The following VPS13B variants were observed in gnomAD, a reference collection of about 807,000 sequenced individuals.
VPS13B encodes the protein intermembrane lipid transfer protein VPS13B.
A neutral mutation model predicts 426.4 loss-of-function variants in VPS13B; 285 were observed. The ratio of observed to expected loss-of-function variants is 0.67; its 90% CI spans 0.61 to 0.74. The LOEUF (loss-of-function observed/expected upper bound fraction) is 0.74, where lower values mean the gene tolerates loss of function less well. VPS13B is among the 30% of genes least tolerant of loss of function. The pLI is 0.00. For missense variants in VPS13B, 4,537 were observed against 4,782.6 expected (o/e 0.95, Z 1.51); for synonymous variants, 1,676 against 1,676.4 (o/e 1.00, Z 0.01).
chr8:99,552,557 G>T (rs966022741), intron 30 of VPS13B, among the ~76,000 whole-genome samples: 5 of 151,246 alleles, frequency 3.3e-5, no homozygotes, highest in African/African-American at 9.7e-5. Flanking sequence ...GGGTTTTGTG[G>T]GTTGGTTGGT....
chr8:99,425,638 C>G (rs1816655438), intron 21 of VPS13B, among the ~76,000 whole-genome samples: 1 of 152,150 alleles, frequency 6.6e-6, no homozygotes, highest in Non-Finnish European at 1.5e-5. Context: ...TGGAAGCATT[C>G]CCTTTGAAAA....
chr8:99,530,267 T>C (rs1357324330), intron 30 of VPS13B, among the ~76,000 whole-genome samples: 1 of 152,146 alleles, frequency 6.6e-6, no homozygotes, highest in Non-Finnish European at 1.5e-5. Flanking sequence ...CCTTTGGCCT[T>C]CTACAGCAAT....
chr8:99,520,818 A>T, intron 29 of VPS13B, 81 bp from the exon 30 acceptor site: 9 of 977,376 alleles, frequency 9.2e-6, no homozygotes, highest in East Asian at 2.4e-5. Flanking sequence ...TCTCTATTCC[A>T]TTCCCTCAAA....
intron 3 of VPS13B, among the ~76,000 whole-genome samples, chr8:99,054,748 T>C (rs1231725729): frequency 6.6e-6 from 1 of 152,198 alleles, no homozygotes; most frequent in Non-Finnish European, 1.5e-5. Flanking sequence ...ATGGAATGAT[T>C]AATTTTATAT....
intron 30 of VPS13B, among the ~76,000 whole-genome samples, chr8:99,534,576 T>C (rs1041796556): frequency 2.0e-5 from 3 of 152,164 alleles, no homozygotes; most frequent in Admixed American, 6.5e-5. Flanking sequence ...TGTACTTTCA[T>C]TGAGGCACTA....
intron 17 of VPS13B, among the ~76,000 whole-genome samples, chr8:99,269,841 G>A (rs1036222331): frequency 6.6e-6 from 1 of 151,938 alleles, no homozygotes; most frequent in Non-Finnish European, 1.5e-5. Flanking sequence ...AAGAAACTAC[G>A]ATTATTTTTA....
intron 20 of VPS13B, among the ~76,000 whole-genome samples, chr8:99,391,061 A>G (rs922645165): frequency 2.0e-5 from 3 of 152,192 alleles, no homozygotes; most frequent in African/African-American, 7.2e-5. Context: ...TGGACTATCC[A>G]TATTAACATG....
intron 39 of VPS13B, among the ~76,000 whole-genome samples, chr8:99,727,520 A>G (rs1482670804): frequency 1.3e-5 from 2 of 152,228 alleles, no homozygotes; most frequent in Admixed American, 1.3e-4. Context: ...GAAGACAAAA[A>G]GGAGCAAGTC....
Position 99,135,875 on chromosome 8 carries a change from A to G in VPS13B, c.1563+142A>G, listed in dbSNP as rs949289348. On this transcript the variant is annotated intron_variant, in intron 11 of 61. Coordinates refer to ENST00000357162, the MANE Select transcript of VPS13B (RefSeq NM_152564.5). ...ATTAAAACATTTAGAATGCATTTAT[A>G]CAGTATACATGTAGAAATGTTTGAG... 23 of 1,162,708 alleles carry G rather than the reference A, an allele frequency of 2.0e-5. No homozygotes were observed. The Admixed American group carries it at 4.0e-4, about 20-fold the overall frequency. 72.0% of individuals were successfully genotyped at this position (1,162,708 alleles called of 1,614,324 possible). A position where few individuals can be genotyped will look rare whatever the true frequency, so the allele number is the denominator to read the frequency against.
intron 35 of VPS13B, among the ~76,000 whole-genome samples, chr8:99,674,658 C>T (rs1830852419): frequency 6.6e-6 from 1 of 151,930 alleles, no homozygotes; most frequent in African/African-American, 2.4e-5. Flanking sequence ...GTTTCTTCCT[C>T]TCGCTGTCTT....
At chr8:99,611,558 A>T (rs1295430271) in intron 33 of VPS13B, among the ~76,000 whole-genome samples, 2 of 152,066 alleles carry the variant, frequency 1.3e-5, no homozygotes, top group African/African-American at 2.4e-5. Context: ...ACCAAAAAAC[A>T]TACAAACAAA....
intron 59 of VPS13B, among the ~76,000 whole-genome samples, chr8:99,870,413 C>G (rs536993388): frequency 3.9e-5 from 6 of 152,266 alleles, no homozygotes; most frequent in Non-Finnish European, 7.4e-5. Context: ...TTGATTTGAC[C>G]TCCCAAAGTT....
At chr8:99,305,080 TTTA>T (rs1192444882) in intron 19 of VPS13B, among the ~76,000 whole-genome samples, 2 of 152,182 alleles carry the variant, frequency 1.3e-5, no homozygotes, top group Admixed American at 1.3e-4. Context: ...CTTCTCTTAC[TTTA>T]TTATCTCCAT....
At chr8:99,411,277 C>T (rs954402999) in intron 21 of VPS13B, among the ~76,000 whole-genome samples, 4 of 152,192 alleles carry the variant, frequency 2.6e-5, no homozygotes, top group Non-Finnish European at 5.9e-5. Context: ...GATGGTATCT[C>T]ATTGTGGTTT....
intron 30 of VPS13B, among the ~76,000 whole-genome samples, chr8:99,521,348 G>A (rs998154829): frequency 3.3e-5 from 5 of 152,292 alleles, no homozygotes; most frequent in Admixed American, 2.6e-4. Context: ...ACATCCTACT[G>A]TAGTCATGTT....
At chr8:99,412,978 T>G (rs1353234605) in intron 21 of VPS13B, among the ~76,000 whole-genome samples, 1 of 152,194 alleles carries the variant, frequency 6.6e-6, no homozygotes, top group South Asian at 2.1e-4. Flanking sequence ...TTACTGAGGA[T>G]TTTTGCATTG....
chr8:99,740,303 C>G (rs191434432), intron 39 of VPS13B, among the ~76,000 whole-genome samples: 1 of 152,262 alleles, frequency 6.6e-6, no homozygotes, highest in East Asian at 1.9e-4. Flanking sequence ...AACAAAGCCT[C>G]CAAAAATTAT....
At chr8:99,121,608 A>C in intron 8 of VPS13B, 163 bp downstream of exon 8, 2 of 1,431,916 alleles carry the variant, frequency 1.4e-6, no homozygotes, top group Admixed American at 5.7e-5. Flanking sequence ...CTCCACTTGA[A>C]ATCTTTGAAT....
intron 21 of VPS13B, among the ~76,000 whole-genome samples, chr8:99,392,547 A>G (rs1393006950): frequency 6.6e-6 from 1 of 152,080 alleles, no homozygotes; most frequent in Admixed American, 6.6e-5. Flanking sequence ...CCATCTATCA[A>G]GTCTGTTATG....
Sources: gnomAD v4.1 joint callset for allele counts (sites outside exome capture counted in the v4.1 genomes callset) on GRCh38, gnomAD v4.1.1 for gene constraint, MANE v1.5 for transcripts, NCBI Gene and HGNC (gene_info 2026-07-23, HGNC 2026-07-21) for gene names.